IMMP2L: variants seen among roughly 807,000 people sequenced by gnomAD.
IMMP2L encodes the protein inner mitochondrial membrane peptidase subunit 2.
In IMMP2L, 18 loss-of-function variants were observed where a neutral mutation model predicts 19.3. The observed-to-expected ratio is 0.93, with a 90% confidence interval of 0.64 to 1.38. The LOEUF is 1.38. IMMP2L is among the 40% of genes most tolerant of loss of function. The pLI, the probability that IMMP2L is intolerant of heterozygous loss-of-function variation, is 0.00. For missense variants in IMMP2L, 233 were observed against 218.2 expected (o/e 1.07, Z -0.43); for synonymous variants, 76 against 73.0 (o/e 1.04, Z -0.21).
intron 4 of IMMP2L, among the ~76,000 whole-genome samples, chr7:110,902,297 A>G (rs1484884237): frequency 6.6e-6 from 1 of 151,734 alleles, no homozygotes; most frequent in East Asian, 1.9e-4. Context: ...AAAAAATAAT[A>G]AGTGACAGTA....
At chr7:111,533,415 T>A (rs1008814091) in intron 1 of IMMP2L, among the ~76,000 whole-genome samples, 7 of 152,176 alleles carry the variant, frequency 4.6e-5, no homozygotes, top group African/African-American at 1.7e-4. Context: ...GAATCAGAAC[T>A]ACAAAGCTGA....
At chr7:111,513,226 G>T (rs1845606765) in intron 2 of IMMP2L, among the ~76,000 whole-genome samples, 1 of 151,752 alleles carries the variant, frequency 6.6e-6, no homozygotes, top group Admixed American at 6.6e-5. Flanking sequence ...TCTAATAAGG[G>T]GTTAATGTAT....
intron 3 of IMMP2L, chr7:111,124,524 T>C (rs751768539): frequency 6.2e-7 from 1 of 1,613,346 alleles, no homozygotes; most frequent in Non-Finnish European, 8.5e-7. Context: ...CTCATCTGAA[T>C]CCATCAACTG....
chr7:110,920,562 G>T (rs1174973949), intron 4 of IMMP2L, among the ~76,000 whole-genome samples: 6 of 152,082 alleles, frequency 3.9e-5, no homozygotes, highest in Non-Finnish European at 8.8e-5. Flanking sequence ...ATTATTGTGA[G>T]GCTTCTGTTA....
intron 3 of IMMP2L, among the ~76,000 whole-genome samples, chr7:110,970,605 C>T (rs74408883): frequency 0.021 from 3,146 of 152,134 alleles, 51 homozygotes; most frequent in Admixed American, 0.039. Context: ...AAATGAAGGA[C>T]GTGAATGCTA....
At chr7:111,524,394 A>C (rs1416844885) in intron 1 of IMMP2L, among the ~76,000 whole-genome samples, 2 of 152,130 alleles carry the variant, frequency 1.3e-5, no homozygotes, top group Admixed American at 6.6e-5. Context: ...AACAGTAAAT[A>C]ATCAATTCCT....
At chr7:111,239,335 T>C (rs557107057) in intron 3 of IMMP2L, among the ~76,000 whole-genome samples, 1 of 152,054 alleles carries the variant, frequency 6.6e-6, no homozygotes, top group African/African-American at 2.4e-5. Flanking sequence ...TCCTAGGCCC[T>C]AATTTCAACA....
chr7:111,557,354 T>C (rs571439351), intron 1 of IMMP2L, among the ~76,000 whole-genome samples: 1 of 152,178 alleles, frequency 6.6e-6, no homozygotes, highest in Non-Finnish European at 1.5e-5. Context: ...TCCAGTTTCA[T>C]CTAGGAAGTG....
chr7:110,891,920 A>T (rs1227278369), intron 4 of IMMP2L, among the ~76,000 whole-genome samples: 7 of 152,170 alleles, frequency 4.6e-5, no homozygotes, highest in Non-Finnish European at 7.3e-5. Context: ...AAGAAAGAGA[A>T]TAAAAAGAAA....
chr7:110,875,915 C>T (rs955878871), intron 5 of IMMP2L, among the ~76,000 whole-genome samples: 19 of 152,086 alleles, frequency 1.2e-4, no homozygotes, highest in African/African-American at 3.9e-4. Context: ...CCACTGAGTA[C>T]GTCCTAATTT....
intron 4 of IMMP2L, among the ~76,000 whole-genome samples, chr7:110,888,307 C>T (rs1235759485): frequency 1.3e-5 from 2 of 152,072 alleles, no homozygotes; most frequent in Non-Finnish European, 2.9e-5. Flanking sequence ...ATTAGATTGC[C>T]TCTAAGAACT....
intron 3 of IMMP2L, among the ~76,000 whole-genome samples, chr7:111,164,268 C>G (rs1389329553): frequency 3.9e-5 from 6 of 151,932 alleles, no homozygotes; most frequent in Admixed American, 3.9e-4. Flanking sequence ...TACTTTTGCA[C>G]CAACCTATTG....
At chr7:111,266,444 G>A (rs1047117973) in intron 3 of IMMP2L, among the ~76,000 whole-genome samples, 3 of 151,264 alleles carry the variant, frequency 2.0e-5, no homozygotes, top group African/African-American at 4.9e-5. Context: ...TGGGGTGGCT[G>A]AGACAGGAGA....
At chr7:110,994,195 T>C (rs1185634549) in intron 3 of IMMP2L, among the ~76,000 whole-genome samples, 1 of 152,014 alleles carries the variant, frequency 6.6e-6, no homozygotes, top group Non-Finnish European at 1.5e-5. Flanking sequence ...CAAACCCCGG[T>C]TGATCTCTGC....
intron 3 of IMMP2L, among the ~76,000 whole-genome samples, chr7:111,281,150 G>T (rs1206950063): frequency 5.1e-5 from 2 of 39,108 alleles, no homozygotes; most frequent in African/African-American, 2.4e-4. Flanking sequence ...CAGAAAGACA[G>T]AAAGACAGAA....
chr7:111,268,396 G>A (rs75674013), intron 3 of IMMP2L, among the ~76,000 whole-genome samples: 3,023 of 150,558 alleles, frequency 0.02, 96 homozygotes, highest in African/African-American at 0.069. Flanking sequence ...CCAGGAACAG[G>A]CTTCAGCTAT....
chr7:111,023,845 C>T lies in IMMP2L; in HGVS notation c.240-60280G>A, dbSNP rs77731534. 7.6e-3 allele frequency among the ~76,000 whole-genome samples: 1,163 copies of T among 152,286 alleles called. 15 individuals are homozygous for T. The highest frequency in any genetic ancestry group is 0.027 in the African/African-American group (1,123 of 41,564). On this transcript the variant is annotated intron_variant, in intron 3 of 5. Transcript: ENST00000405709. ...ACCATTTAGAATCACATATGCATTG[C>T]TATGGATGAGGAGTCCATGACTCTC...
At chr7:111,539,967 A>C (rs1473842365) in intron 1 of IMMP2L, among the ~76,000 whole-genome samples, 1 of 152,130 alleles carries the variant, frequency 6.6e-6, no homozygotes, top group Non-Finnish European at 1.5e-5. Context: ...TTTACTTATT[A>C]TTTTTAATGG....
At position 111,123,776 on chromosome 7, in the gene IMMP2L, A is replaced by G; in HGVS notation, c.240-160211T>C. 1 of 1,614,026 alleles carries G rather than the reference A, an allele frequency of 6.2e-7. No individual in the cohort carries two copies. Among genetic ancestry groups the G allele is most frequent in the East Asian group, 2.2e-5 (1 of 44,868 alleles). On this transcript the variant is annotated intron_variant, in intron 3 of 5. Coordinates refer to ENST00000405709, the MANE Select transcript of IMMP2L (RefSeq NM_032549.4). The surrounding 1 kb of genome is among the most constrained non-coding windows in gnomAD (Gnocchi z 6.4). ...CCCAATGCATTTTTCAGACTCCCCAAGCTGGAATCACTCATGCTGAACAGC... is the reference window on the plus strand; with the variant it reads ...CCCAATGCATTTTTCAGACTCCCCAGGCTGGAATCACTCATGCTGAACAGC...
Sources: gnomAD v4.1 joint callset for allele counts (sites outside exome capture counted in the v4.1 genomes callset) on GRCh38, gnomAD v4.1.1 for gene constraint, Gnocchi (gnomAD v3.1) non-coding constraint, MANE v1.5 for transcripts, NCBI Gene and HGNC (gene_info 2026-07-23, HGNC 2026-07-21) for gene names.